The following LRBA variants were observed in gnomAD, a reference collection of about 807,000 sequenced individuals.
LRBA encodes LPS responsive beige-like anchor protein.
A neutral mutation model predicts 330.0 loss-of-function variants in LRBA; 176 were observed. The ratio of observed to expected loss-of-function variants is 0.53; its 90% CI spans 0.47 to 0.60. The LOEUF (loss-of-function observed/expected upper bound fraction) is 0.60, where lower values mean the gene tolerates loss of function less well. Ranked by LOEUF, LRBA falls within the 20% of genes least tolerant of loss-of-function variation. The pLI, the probability that LRBA is intolerant of heterozygous loss-of-function variation, is 0.00. For synonymous variants in LRBA, 1,230 were observed against 1,193.0 expected (o/e 1.03, Z -0.64); for missense variants, 3,259 against 3,444.8 (o/e 0.95, Z 1.35).
intron 24 of LRBA, 136 bp from the exon 25 acceptor site, chr4:150,849,711 T>A (rs1161645563): frequency 1.0e-5 from 7 of 668,894 alleles, no homozygotes; most frequent in Non-Finnish European, 1.6e-5. Flanking sequence ...AGCAGGCATT[T>A]GGAGGGTGTA....
At chr4:150,446,051 T>G (rs567951253) in intron 44 of LRBA, among the ~76,000 whole-genome samples, 4 of 151,844 alleles carry the variant, frequency 2.6e-5, no homozygotes, top group Admixed American at 6.6e-5. Flanking sequence ...TTAAGGGAAA[T>G]AAGCCAAGCA....
chr4:150,746,240 A>C (rs1042220601), intron 35 of LRBA, among the ~76,000 whole-genome samples: 1 of 152,222 alleles, frequency 6.6e-6, no homozygotes, highest in Non-Finnish European at 1.5e-5. Flanking sequence ...TAATACTTGT[A>C]TATTTTACTT....
At chr4:150,613,599 G>A (rs1178777284) in intron 37 of LRBA, among the ~76,000 whole-genome samples, 1 of 152,192 alleles carries the variant, frequency 6.6e-6, no homozygotes, top group African/African-American at 2.4e-5. Context: ...TCTGGCTCCT[G>A]GTTTAAAACC....
chr4:150,605,366 T>A (rs1774523036), intron 37 of LRBA, among the ~76,000 whole-genome samples: 1 of 152,218 alleles, frequency 6.6e-6, no homozygotes, highest in Non-Finnish European at 1.5e-5. Flanking sequence ...TTTTCCCATT[T>A]TCCATCTCGC....
At chr4:150,489,449 T>TATATATAAGAATATATA (rs1758523101) in intron 41 of LRBA, among the ~76,000 whole-genome samples, 1 of 39,180 alleles carries the variant, frequency 2.6e-5, no homozygotes, top group African/African-American at 6.2e-5. Context: ...TATAATATAT[T>TATATATAAGAATATATA]ATATATAAGA....
At chr4:150,281,800 T>C (rs11099759) in intron 55 of LRBA, among the ~76,000 whole-genome samples, 135,623 of 152,214 alleles carry the variant, frequency 0.89, 60,917 homozygotes, top group Non-Finnish European at 0.95. Flanking sequence ...CTGAAAAGAA[T>C]AGTTCTTACT....
chr4:150,544,197 G>A (rs955736072), intron 40 of LRBA, among the ~76,000 whole-genome samples: 2 of 150,794 alleles, frequency 1.3e-5, no homozygotes, highest in South Asian at 2.1e-4. Flanking sequence ...GTACGATCTC[G>A]GCTCACTGCA....
chr4:150,270,888 TGATAAA>T (rs1745997240), intron 56 of LRBA, among the ~76,000 whole-genome samples: 1 of 152,212 alleles, frequency 6.6e-6, no homozygotes, highest in Non-Finnish European at 1.5e-5. Context: ...TTTTATTTAC[TGATAAA>T]GATGATGATA....
In LRBA at chr4:150,777,454, T is replaced by G. The variant is rs959286971; in HGVS notation, c.5581-15607A>C. ...TTCCTTATTATAAAAATATAAAAAT[T>G]TAAAGGTTTAGGTTCTTCAATGAAA... is the stretch of plus-strand genomic sequence containing the variant. On this transcript the variant is annotated intron_variant, in intron 34 of 56. Coordinates refer to ENST00000651943, the MANE Select transcript of LRBA (RefSeq NM_001364905.1). Among the ~76,000 whole-genome samples the G allele has an allele frequency of 5.3e-5, 8 of 152,256 alleles. No individual in the cohort carries two copies. The East Asian group carries it at 1.2e-3, about 22-fold the overall frequency.
intron 17 of LRBA, among the ~76,000 whole-genome samples, chr4:150,879,835 T>C (rs1027232941): frequency 1.1e-4 from 16 of 152,162 alleles, no homozygotes; most frequent in Non-Finnish European, 8.8e-5. Flanking sequence ...ATCCACAGAT[T>C]CCATACTATT....
intron 15 of LRBA, among the ~76,000 whole-genome samples, chr4:150,897,162 A>G (rs1730180219): frequency 6.6e-6 from 1 of 152,016 alleles, no homozygotes; most frequent in Admixed American, 6.6e-5. Flanking sequence ...ACTTGCCATA[A>G]TCTTATGTGA....
intron 37 of LRBA, among the ~76,000 whole-genome samples, chr4:150,642,480 A>C (rs2126729139): frequency 6.6e-6 from 1 of 152,032 alleles, no homozygotes; most frequent in South Asian, 2.1e-4. Context: ...GAAATGATGT[A>C]ATAGACATAA....
chr4:150,820,448 A>C (rs995349195), intron 30 of LRBA, among the ~76,000 whole-genome samples: 2 of 152,066 alleles, frequency 1.3e-5, no homozygotes, highest in African/African-American at 2.4e-5. Flanking sequence ...ATCTATAATC[A>C]ACAGCAATAA....
At chr4:150,467,815 A>G in intron 43 of LRBA, 30 bp from the exon 44 acceptor site, 1 of 1,035,632 alleles carries the variant, frequency 9.7e-7, no homozygotes, top group Non-Finnish European at 1.5e-6. Flanking sequence ...CTCGTAATTT[A>G]TAATTTTAAA....
intron 48 of LRBA, among the ~76,000 whole-genome samples, chr4:150,347,781 T>C (rs1736594603): frequency 6.6e-6 from 1 of 152,212 alleles, no homozygotes; most frequent in South Asian, 2.1e-4. Context: ...ACACCTATAT[T>C]CAAATATATA....
At chr4:150,475,040 G>C (rs2152072979) in intron 42 of LRBA, among the ~76,000 whole-genome samples, 1 of 152,238 alleles carries the variant, frequency 6.6e-6, no homozygotes, top group East Asian at 1.9e-4. Context: ...TGAAATGATA[G>C]TAAGCTTTTT....
intron 40 of LRBA, among the ~76,000 whole-genome samples, chr4:150,527,412 C>T (rs1763593524): frequency 6.6e-6 from 1 of 152,050 alleles, no homozygotes; most frequent in Admixed American, 6.5e-5. Flanking sequence ...TGAGGGCAGA[C>T]TAAAGATTAT....
At position 150,322,638 on chromosome 4, in the gene LRBA, A is replaced by G. The variant is rs1207874923; in HGVS notation, c.7453-1270T>C. ...AGTTATTAAGAGTACTTAGAAAAAC[A>G]TATTGCACTAAGAATTCCTATTTGC... On this transcript the variant is annotated intron_variant, in intron 49 of 56. Transcript: ENST00000651943. Among the ~76,000 whole-genome samples, 3 of 152,238 alleles carry G rather than the reference A, an allele frequency of 2.0e-5. No individual in the cohort carries two copies. The East Asian group carries it at 5.8e-4, about 29-fold the overall frequency.
chr4:150,979,469 G>T (rs1450279619), intron 2 of LRBA, among the ~76,000 whole-genome samples: 1 of 151,960 alleles, frequency 6.6e-6, no homozygotes, highest in Non-Finnish European at 1.5e-5. Flanking sequence ...AAAATTAATT[G>T]GCAACAGTAA....
Sources: allele counts gnomAD v4.1 joint callset (sites outside exome capture counted in the v4.1 genomes callset), GRCh38; gene constraint gnomAD v4.1.1; transcripts MANE v1.5; gene names NCBI Gene and HGNC (gene_info 2026-07-23, HGNC 2026-07-21).